Variants in CLEC4A observed in about 807,000 individuals in gnomAD.
CLEC4A encodes the protein C-type (calcium dependent, carbohydrate-recognition domain) lectin, superfamily member 6.
CLEC4A carries 27 observed loss-of-function variants against 32.7 expected under a neutral mutation model. The observed-to-expected ratio is 0.83, with a 90% CI of 0.61 to 1.14. CLEC4A has a LOEUF of 1.14. Ranked by LOEUF, CLEC4A falls within the 50% of genes most tolerant of loss-of-function variation. The pLI is 0.00. For synonymous variants in CLEC4A, 89 were observed against 93.7 expected (o/e 0.95, Z 0.29); for missense variants, 253 against 274.6 (o/e 0.92, Z 0.55).
chr12:8,117,333 G>A, the CLEC4A span, among the ~76,000 whole-genome samples: 5 of 152,124 alleles, frequency 3.3e-5, no homozygotes, highest in African/African-American at 9.6e-5. Context: ...CTGCCTCCTG[G>A]GTTCAAGTGA....
At chr12:8,113,180 T>C in the CLEC4A span, among the ~76,000 whole-genome samples, 1 of 141,664 alleles carries the variant, frequency 7.1e-6, no homozygotes, top group South Asian at 2.2e-4. Flanking sequence ...TGTGTTATCA[T>C]TGTTCAATTC....
At chr12:8,133,450 C>G (rs1313815154) in intron 3 of CLEC4A, among the ~76,000 whole-genome samples, 1 of 151,984 alleles carries the variant, frequency 6.6e-6, no homozygotes, top group Non-Finnish European at 1.5e-5. Flanking sequence ...CTGAGTCCAT[C>G]CACTGAGCTT....
intron 3 of CLEC4A, chr12:8,134,010 G>A: frequency 1.2e-6 from 2 of 1,604,900 alleles, no homozygotes; most frequent in Non-Finnish European, 1.7e-6. Context: ...CCCTTCTGGC[G>A]CCGGTTACAG....
At chr12:8,123,078 G>T (rs556204690), upstream of CLEC4A, among the ~76,000 whole-genome samples, 14 of 152,230 alleles carry the variant, frequency 9.2e-5, no homozygotes, top group Admixed American at 9.2e-4. Flanking sequence ...TCTCCTAACT[G>T]TTAAAAAATA....
intron 3 of CLEC4A, among the ~76,000 whole-genome samples, 175 bp from the exon 4 acceptor site, chr12:8,135,410 T>C (rs865815817): frequency 3.9e-5 from 6 of 152,104 alleles, no homozygotes; most frequent in Non-Finnish European, 7.4e-5. Flanking sequence ...TACTGCCTGA[T>C]TGAGGTAGAC....
intron 1 of CLEC4A, among the ~76,000 whole-genome samples, chr12:8,124,461 A>G (rs1426105858): frequency 6.6e-6 from 1 of 152,218 alleles, no homozygotes; most frequent in Non-Finnish European, 1.5e-5. Context: ...GAAAGACTAG[A>G]AAGTCTACAA....
intron 3 of CLEC4A, among the ~76,000 whole-genome samples, chr12:8,130,399 A>T (rs1264346603): frequency 6.6e-6 from 1 of 152,010 alleles, no homozygotes; most frequent in African/African-American, 2.4e-5. Flanking sequence ...TTGAGATAGG[A>T]TCTCACTCTG....
At chr12:8,110,921 T>C in the CLEC4A span, among the ~76,000 whole-genome samples, 1 of 152,048 alleles carries the variant, frequency 6.6e-6, no homozygotes, top group African/African-American at 2.4e-5. Flanking sequence ...TCGCCCAGGC[T>C]GGAGTGCAGT....
intron 2 of CLEC4A, among the ~76,000 whole-genome samples, chr12:8,126,193 C>T (rs1399704976): frequency 2.0e-5 from 3 of 152,004 alleles, no homozygotes; most frequent in Non-Finnish European, 4.4e-5. Flanking sequence ...TGGATTGCTG[C>T]GTATCTTTGG....
intron 3 of CLEC4A, chr12:8,133,899 G>T: frequency 6.3e-7 from 1 of 1,596,936 alleles, no homozygotes; most frequent in South Asian, 1.1e-5. Flanking sequence ...GTACCAAAAT[G>T]GGGCCCTGGG....
chr12:8,132,555 C>A (rs971657957), intron 3 of CLEC4A, among the ~76,000 whole-genome samples: 1 of 151,924 alleles, frequency 6.6e-6, no homozygotes, highest in African/African-American at 2.4e-5. Context: ...TTTAATGTCC[C>A]GAGATATGGT....
At chr12:8,136,563 CAA>C (rs5796306) in intron 4 of CLEC4A, among the ~76,000 whole-genome samples, 4,028 of 100,472 alleles carry the variant, frequency 0.04, 79 homozygotes, top group African/African-American at 0.077. Context: ...GACTCCATCT[CAA>C]AAAAAAAAAA....
chr12:8,125,593 AATACCG>A lies in CLEC4A; in HGVS notation c.116_121del (p.Asn39_Gly41delinsArg). The A allele has an allele frequency of 6.2e-7, 1 of 1,612,912 alleles. No homozygotes were observed. Among genetic ancestry groups the A allele is most frequent in the South Asian group, 1.1e-5 (1 of 91,042 alleles). ...GGAGAGGACTGCCCCTCACAAAAGT[AATACCG>A]GATTCCCCAAGCTGCTTTGTGCCTC... On this transcript the variant is annotated inframe_deletion, in exon 2 of 6. Coordinates refer to ENST00000229332, the MANE Select transcript of CLEC4A (RefSeq NM_016184.4).
the CLEC4A span, among the ~76,000 whole-genome samples, chr12:8,118,118 C>G: frequency 8.5e-5 from 13 of 152,086 alleles, no homozygotes; most frequent in South Asian, 2.7e-3. Flanking sequence ...TGGTTACTTT[C>G]TTGTGAGGCT....
rs1948057509 is a variant in CLEC4A, at chr12:8,134,511, G to C, written c.299-1074G>C. ...CACGGCACCAGAGGGGACGGTGCAG[G>C]GCTCCGGGGAGGCCCCATCGGAGTT... On this transcript the variant is annotated intron_variant, in intron 3 of 5. Transcript: ENST00000229332. The C allele has an allele frequency of 1.9e-6, 3 of 1,613,730 alleles. No homozygotes were observed. In the African/African-American group the frequency reaches 4.0e-5, roughly 22 times the overall value.
At chr12:8,114,379 G>C in the CLEC4A span, among the ~76,000 whole-genome samples, 9 of 152,064 alleles carry the variant, frequency 5.9e-5, no homozygotes, top group Non-Finnish European at 7.4e-5. Context: ...CGAGTAGCTG[G>C]GACCACAGGC....
rs377004588 is a variant in CLEC4A at position 8,134,659 on chromosome 12, G to C, written c.299-926G>C. 358 of 1,589,220 alleles carry C rather than the reference G, an allele frequency of 2.3e-4. 6 individuals carry two copies. The South Asian group carries it at 3.4e-3, about 15-fold the overall frequency. On this transcript the variant is annotated intron_variant, in intron 3 of 5. Coordinates refer to ENST00000229332, the MANE Select transcript of CLEC4A (RefSeq NM_016184.4). Reference sequence around the variant, plus strand: ...ATCCCCCCGCAGAACTCATACGGCGGGGGACATGGGGGAATCCCCCACTCC... The same window carrying C: ...ATCCCCCCGCAGAACTCATACGGCGCGGGACATGGGGGAATCCCCCACTCC...
the CLEC4A span, among the ~76,000 whole-genome samples, chr12:8,109,255 A>C: frequency 6.6e-6 from 1 of 152,266 alleles, no homozygotes; most frequent in East Asian, 1.9e-4. Context: ...ATGAAGTACC[A>C]AATGATCCCT....
the CLEC4A span, among the ~76,000 whole-genome samples, chr12:8,110,445 G>C: frequency 6.6e-6 from 1 of 152,200 alleles, no homozygotes; most frequent in African/African-American, 2.4e-5. Flanking sequence ...CAGCCAGACC[G>C]ATCTAATTAT....
Sources: gnomAD v4.1 joint callset for allele counts (sites outside exome capture counted in the v4.1 genomes callset) on GRCh38, gnomAD v4.1.1 for gene constraint, MANE v1.5 for transcripts, NCBI Gene and HGNC (gene_info 2026-07-23, HGNC 2026-07-21) for gene names.